Variants in FREM1 observed in about 807,000 individuals in gnomAD.
FREM1 encodes FRAS1-related extracellular matrix protein 1.
Under a neutral mutation model 210.1 loss-of-function variants are expected in FREM1, and 220 were observed. The ratio of observed to expected loss-of-function variants is 1.05; its 90% CI spans 0.94 to 1.17. The LOEUF (loss-of-function observed/expected upper bound fraction) is 1.17, where lower values mean the gene tolerates loss of function less well. FREM1 is among the 50% of genes most tolerant of loss of function. The pLI is 0.00. For missense variants in FREM1, 3,454 were observed against 2,675.5 expected (o/e 1.29, Z -6.42); for synonymous variants, 1,189 against 980.2 (o/e 1.21, Z -3.98).
intron 2 of FREM1, among the ~76,000 whole-genome samples, chr9:14,865,308 C>T (rs1288195830): frequency 1.3e-5 from 2 of 152,132 alleles, no homozygotes; most frequent in Non-Finnish European, 2.9e-5. Flanking sequence ...GTGAGAAGTG[C>T]CATGTGTGAG....
At chr9:14,781,250 T>C (rs1000179580) in intron 24 of FREM1, among the ~76,000 whole-genome samples, 2 of 151,322 alleles carry the variant, frequency 1.3e-5, no homozygotes, top group African/African-American at 2.5e-5. Context: ...AAATAACATA[T>C]AAAAAAAGTC....
intron 21 of FREM1, among the ~76,000 whole-genome samples, chr9:14,796,254 C>G (rs1852360934): frequency 6.6e-6 from 1 of 152,086 alleles, no homozygotes; most frequent in African/African-American, 2.4e-5. Context: ...GTTATTCACT[C>G]CCTGATAAAA....
chr9:14,837,952 T>C (rs1243237350), intron 10 of FREM1, among the ~76,000 whole-genome samples: 3 of 152,204 alleles, frequency 2.0e-5, no homozygotes, highest in Non-Finnish European at 4.4e-5. Context: ...GTGATCCAGA[T>C]AGCACTTCAC....
At chr9:14,831,240 T>C in intron 10 of FREM1, among the ~76,000 whole-genome samples, 1 of 152,192 alleles carries the variant, frequency 6.6e-6, no homozygotes, top group Non-Finnish European at 1.5e-5. Context: ...TCAACTATCC[T>C]GTTGCAAAAC....
chr9:14,877,452 T>TTTTTTTTTTTTTTTTTTTTG (rs1397729286), intron 1 of FREM1, among the ~76,000 whole-genome samples: 1 of 151,146 alleles, frequency 6.6e-6, no homozygotes, highest in African/African-American at 2.4e-5. Context: ...TTCTTTATGG[T>TTTTTTTTTTTTTTTTTTTTG]AGACAGATCT....
chr9:14,784,564 C>G lies in FREM1; in HGVS notation c.4248G>C (p.Thr1416=). Residue 1416 remains threonine (T), a synonymous_variant, in exon 24 of 37, where the codon ACG becomes ACC. Coordinates refer to ENST00000380880, the MANE Select transcript of FREM1 (RefSeq NM_001379081.2). ...KGDRGFLTTT[T]LLAVDGTDKP... ...TGTCTGTTCCGTCCACAGCCAGGAG[C>G]GTGGTGGTTGTTAAGAAACCTCTAT... 6.2e-7 allele frequency: 1 copy of G among 1,612,384 alleles called. No individual in the cohort carries two copies. Among genetic ancestry groups the G allele is most frequent in the Non-Finnish European group, 8.5e-7 (1 of 1,179,198 alleles).
At chr9:14,782,838 C>T (rs184427627) in intron 24 of FREM1, among the ~76,000 whole-genome samples, 69 of 152,290 alleles carry the variant, frequency 4.5e-4, no homozygotes, top group Admixed American at 9.8e-4. Flanking sequence ...GCAGGTGCTA[C>T]GAGCATCATT....
intron 1 of FREM1, among the ~76,000 whole-genome samples, chr9:14,880,071 T>A (rs1834518009): frequency 6.6e-6 from 1 of 152,038 alleles, no homozygotes; most frequent in Non-Finnish European, 1.5e-5. Flanking sequence ...ATGGGATTCT[T>A]ACAAGAGGAT....
At chr9:14,739,621 T>C (rs974591974) in intron 36 of FREM1, among the ~76,000 whole-genome samples, 8 of 150,090 alleles carry the variant, frequency 5.3e-5, no homozygotes, top group African/African-American at 1.7e-4. Context: ...TTCTAAATTA[T>C]TTCATACTTT....
intron 1 of FREM1, among the ~76,000 whole-genome samples, chr9:14,888,162 T>C (rs1836155169): frequency 6.6e-6 from 1 of 152,206 alleles, no homozygotes; most frequent in African/African-American, 2.4e-5. Flanking sequence ...ACATATATTA[T>C]ATTGTTTAAT....
chr9:14,858,349 C>T (rs913872773), intron 4 of FREM1, among the ~76,000 whole-genome samples: 1 of 152,086 alleles, frequency 6.6e-6, no homozygotes, highest in Admixed American at 6.5e-5. Context: ...GTATATAATA[C>T]TCATAAGCCA....
chr9:14,895,255 G>A (rs1270047532), intron 1 of FREM1, among the ~76,000 whole-genome samples: 1 of 152,124 alleles, frequency 6.6e-6, no homozygotes, highest in Admixed American at 6.5e-5. Flanking sequence ...AAATAATCAG[G>A]CCAAGTATAA....
chr9:14,821,761 G>C (rs1462796073), intron 13 of FREM1, among the ~76,000 whole-genome samples: 5 of 152,216 alleles, frequency 3.3e-5, no homozygotes, highest in African/African-American at 1.2e-4. Flanking sequence ...ATGGTCTGGA[G>C]AGCACGCCCT....
At position 14,842,442 on chromosome 9, in the gene FREM1, T is replaced by G; in HGVS notation, c.1612A>C (p.Ile538Leu). The stretch of plus-strand genomic sequence containing the variant: ...CGCAGCATGGATCCCTGGATCAGGA[T>G]GGTCTGCCCCTCCTCCAGTTCAATC... ...VVIELEEGQT[I>L]LIQGSMLRAS... The change falls in exon 9 of 37, where the codon ATC (isoleucine) becomes CTC (leucine). Residue 538 changes from isoleucine to leucine, a missense_variant. Physicochemically the swap from Ile to Leu is conservative, Grantham distance 5. Transcript: ENST00000380880. The G allele has an allele frequency of 6.2e-7, 1 of 1,613,868 alleles. No individual in the cohort carries two copies. Among genetic ancestry groups the G allele is most frequent in the Admixed American group, 1.7e-5 (1 of 60,032 alleles).
At chr9:14,896,662 C>T (rs11793384) in intron 1 of FREM1, among the ~76,000 whole-genome samples, 75,546 of 151,760 alleles carry the variant, frequency 0.5, 22,213 homozygotes, top group African/African-American at 0.83. Context: ...GTCTATGGAG[C>T]AGCCATTCTT....
chr9:14,787,466 C>T (rs1850599318), intron 23 of FREM1, among the ~76,000 whole-genome samples: 1 of 152,120 alleles, frequency 6.6e-6, no homozygotes, highest in Non-Finnish European at 1.5e-5. Flanking sequence ...ACTTTATTTC[C>T]TTTCTTCCTG....
chr9:14,776,098 T>A lies in FREM1; in HGVS notation c.4548A>T (p.Arg1516Ser), dbSNP rs1848519965. Reference protein sequence around the residue: ...LPVVTRNKGLRLAQGAVGLLS... With the variant: ...LPVVTRNKGLSLAQGAVGLLS... ...GCAGGCCCACGGCCCCTTGGGCCAG[T>A]CTCAACCCCTTGTTCCTGGTTACCA... The change falls in exon 25 of 37, where the codon AGA becomes AGT. Residue 1516 changes from arginine to serine, a missense_variant. Arg to Ser is a moderately radical substitution (Grantham distance 110, BLOSUM62 -1). Coordinates refer to ENST00000380880, the MANE Select transcript of FREM1 (RefSeq NM_001379081.2). The A allele has an allele frequency of 1.2e-6, 2 of 1,607,942 alleles. No homozygotes were observed. Among genetic ancestry groups the A allele is most frequent in the Non-Finnish European group, 8.5e-7 (1 of 1,175,872 alleles).
At chr9:14,776,539 C>T (rs1848605900) in intron 24 of FREM1, among the ~76,000 whole-genome samples, 1 of 152,140 alleles carries the variant, frequency 6.6e-6, no homozygotes, top group Non-Finnish European at 1.5e-5. Context: ...TCCAATGAGA[C>T]TCATCATACA....
intron 23 of FREM1, among the ~76,000 whole-genome samples, chr9:14,787,296 TA>T (rs1290701802): frequency 6.6e-6 from 1 of 152,018 alleles, no homozygotes; most frequent in Non-Finnish European, 1.5e-5. Context: ...CAAAAAACTG[TA>T]CAGTGACAAA....
Sources: allele counts gnomAD v4.1 joint callset (sites outside exome capture counted in the v4.1 genomes callset), GRCh38; gene constraint gnomAD v4.1.1; transcripts MANE v1.5; gene names NCBI Gene and HGNC (gene_info 2026-07-23, HGNC 2026-07-21).